Variants in MKLN1 observed in about 807,000 individuals in gnomAD.
The protein encoded by MKLN1 is muskelin.
MKLN1 carries 18 observed loss-of-function variants against 99.0 expected under a neutral mutation model. The ratio of observed to expected loss-of-function variants is 0.18; its 90% CI spans 0.13 to 0.27. The LOEUF (loss-of-function observed/expected upper bound fraction) is 0.27, where lower values mean the gene tolerates loss of function less well. Among genes scored for constraint, MKLN1 ranks in the 10% least tolerant of loss-of-function variants. MKLN1 has a pLI of 1.00. For missense variants in MKLN1, 621 were observed against 875.9 expected, an observed-to-expected ratio of 0.71 and a Z score of 3.67; for synonymous variants, 288 against 293.2, an observed-to-expected ratio of 0.98 and a Z score of 0.18.
intron 3 of MKLN1, among the ~76,000 whole-genome samples, chr7:131,231,850 G>C (rs561758833): frequency 2.6e-5 from 4 of 152,270 alleles, no homozygotes; most frequent in African/African-American, 9.6e-5. Context: ...CATCAGAAGA[G>C]GAAGAATGCC....
chr7:131,400,514 A>AT (rs1554567942), intron 6 of MKLN1, among the ~76,000 whole-genome samples: 9 of 111,588 alleles, frequency 8.1e-5, no homozygotes, highest in African/African-American at 4.0e-4. Context: ...ACCAATAAAA[A>AT]AAAAATATAT....
intron 6 of MKLN1, among the ~76,000 whole-genome samples, chr7:131,400,483 C>A (rs537242222): frequency 1.4e-5 from 2 of 144,814 alleles, no homozygotes; most frequent in African/African-American, 2.6e-5. Context: ...TAACTAATCT[C>A]TTAACAGACT....
intron 8 of MKLN1, among the ~76,000 whole-genome samples, chr7:131,427,061 G>GA (rs1795378681): frequency 6.6e-6 from 1 of 152,080 alleles, no homozygotes; most frequent in Non-Finnish European, 1.5e-5. Context: ...TTTTGCAGAT[G>GA]AAAAAAACTA....
At chr7:131,303,813 A>T (rs530544304) in intron 3 of MKLN1, among the ~76,000 whole-genome samples, 5 of 152,292 alleles carry the variant, frequency 3.3e-5, no homozygotes, top group Admixed American at 2.6e-4. Context: ...ATTTTGAGGC[A>T]AGTTCACTCT....
chr7:131,122,896 G>A (rs1795395213), intron 1 of MKLN1, among the ~76,000 whole-genome samples: 1 of 151,890 alleles, frequency 6.6e-6, no homozygotes, highest in South Asian at 2.1e-4. Context: ...GGTGGCCCGC[G>A]CCTGTAGTCC....
chr7:131,143,944 C>T (rs985668731), intron 2 of MKLN1, among the ~76,000 whole-genome samples: 2 of 152,212 alleles, frequency 1.3e-5, no homozygotes, highest in Admixed American at 6.5e-5. Context: ...CCAAAAACAA[C>T]TCTGTTTTAG....
At chr7:131,203,769 T>C (rs929783567) in intron 3 of MKLN1, among the ~76,000 whole-genome samples, 1 of 152,156 alleles carries the variant, frequency 6.6e-6, no homozygotes, top group African/African-American at 2.4e-5. Flanking sequence ...TTTCCCACTC[T>C]CTCTGTCTCT....
At chr7:131,132,028 C>T (rs1795559585) in intron 1 of MKLN1, among the ~76,000 whole-genome samples, 1 of 152,186 alleles carries the variant, frequency 6.6e-6, no homozygotes, top group Non-Finnish European at 1.5e-5. Flanking sequence ...ACTCCTAAAC[C>T]TTTCCACTTT....
rs1306066149 is a variant in MKLN1 at position 131,397,340 on chromosome 7, T to C, written c.474T>C (p.Pro158=). ...TTGAACTTAGTGGCATTGATGATCCTGATATAGTACAACCTTGTCTCAACT... is the reference window on the plus strand; with the variant it reads ...TTGAACTTAGTGGCATTGATGATCCCGATATAGTACAACCTTGTCTCAACT... The part of the protein sequence containing the change: ...WYVELSGIDD[P]DIVQPCLNWY... Residue 158 remains proline, a synonymous_variant, in exon 5 of 18, where the codon CCT becomes CCC. Coordinates refer to ENST00000352689, the MANE Select transcript of MKLN1 (RefSeq NM_013255.5). The C allele has an allele frequency of 1.2e-6, 2 of 1,612,518 alleles. No individual in the cohort carries two copies. The highest frequency in any genetic ancestry group is 1.7e-6 in the Non-Finnish European group (2 of 1,178,968).
chr7:131,169,604 CTTAA>C (rs1482789271), intron 2 of MKLN1, among the ~76,000 whole-genome samples: 6 of 152,082 alleles, frequency 3.9e-5, no homozygotes, highest in Non-Finnish European at 2.9e-5. Flanking sequence ...AAGCAAAATT[CTTAA>C]TTAAGTTAGA....
At chr7:131,240,050 G>A (rs1020320874) in intron 3 of MKLN1, among the ~76,000 whole-genome samples, 2 of 152,118 alleles carry the variant, frequency 1.3e-5, no homozygotes, top group Middle Eastern at 6.8e-3. Context: ...ACATGATGGT[G>A]CGTGCTTTTA....
At chr7:131,433,875 C>T (rs970351611) in intron 9 of MKLN1, among the ~76,000 whole-genome samples, 5 of 108,898 alleles carry the variant, frequency 4.6e-5, no homozygotes, top group African/African-American at 1.4e-4. Flanking sequence ...TTCATTTTGT[C>T]GTTTGAATTT....
intron 11 of MKLN1, among the ~76,000 whole-genome samples, 186 bp downstream of exon 11, chr7:131,443,888 A>G (rs952488898): frequency 1.3e-5 from 2 of 152,146 alleles, no homozygotes; most frequent in Non-Finnish European, 2.9e-5. Context: ...TAATTCCTAA[A>G]TAGTTACTAC....
intron 3 of MKLN1, 52 bp from the exon 4 acceptor site, chr7:131,388,832 G>A: frequency 8.5e-7 from 1 of 1,180,324 alleles, no homozygotes; most frequent in Non-Finnish European, 1.2e-6. Flanking sequence ...GTGTTCTAGT[G>A]CATTTACTAA....
intron 1 of MKLN1, among the ~76,000 whole-genome samples, chr7:131,369,906 G>A (rs1156523892): frequency 1.3e-5 from 2 of 151,672 alleles, no homozygotes; most frequent in Non-Finnish European, 2.9e-5. Context: ...GTGTGATCTC[G>A]GCTCACTGCA....
chr7:131,323,701 C>CA (rs956544115), upstream of MKLN1: 1 of 152,016 alleles, frequency 6.6e-6, no homozygotes, highest in African/African-American at 2.4e-5. Flanking sequence ...CAAAAGTGAC[C>CA]AAAGCCAGGA....
intron 1 of MKLN1, among the ~76,000 whole-genome samples, chr7:131,335,178 TGTTTCA>T (rs1340348556): frequency 6.6e-6 from 1 of 152,202 alleles, no homozygotes; most frequent in African/African-American, 2.4e-5. Context: ...ATTGGGAAGA[TGTTTCA>T]GTTAGAAAAT....
chr7:131,406,516 A>C (rs1406572424), intron 6 of MKLN1, among the ~76,000 whole-genome samples: 1 of 152,034 alleles, frequency 6.6e-6, no homozygotes, highest in African/African-American at 2.4e-5. Flanking sequence ...CAAAGACCCT[A>C]TAAAATATTT....
chr7:131,116,220 T>C (rs1269589134), intron 1 of MKLN1, among the ~76,000 whole-genome samples: 1 of 151,776 alleles, frequency 6.6e-6, no homozygotes, highest in East Asian at 1.9e-4. Context: ...GTGTTTGTAG[T>C]AGGAAAAGGA....
Sources: allele counts gnomAD v4.1 joint callset (sites outside exome capture counted in the v4.1 genomes callset), GRCh38; gene constraint gnomAD v4.1.1; transcripts MANE v1.5; gene names NCBI Gene and HGNC (gene_info 2026-07-23, HGNC 2026-07-21).